The following TMEM178B variants were observed in gnomAD, a reference collection of about 807,000 sequenced individuals.
TMEM178B encodes transmembrane protein 178B.
TMEM178B carries 5 observed loss-of-function variants against 31.0 expected under a neutral mutation model. That is an observed-to-expected ratio of 0.16 (90% confidence interval 0.08 to 0.34). TMEM178B has a LOEUF of 0.34. Ranked by LOEUF, TMEM178B falls within the 10% of genes least tolerant of loss-of-function variation. The probability of loss-of-function intolerance (pLI) is 1.00; values close to 1 mark genes in which losing one functional copy is unlikely to be tolerated. For missense variants in TMEM178B, 275 were observed against 400.3 expected (o/e 0.69, Z 2.67); for synonymous variants, 164 against 164.0 (o/e 1.00, Z 0.00).
intron 2 of TMEM178B, among the ~76,000 whole-genome samples, chr7:141,232,228 G>GCC (rs1797459782): frequency 6.6e-6 from 1 of 152,120 alleles, no homozygotes; most frequent in African/African-American, 2.4e-5. Context: ...CATTTGAGTT[G>GCC]ACTCTATGTC....
intron 1 of TMEM178B, among the ~76,000 whole-genome samples, chr7:141,145,712 G>C (rs1271991901): frequency 2.0e-5 from 3 of 152,216 alleles, no homozygotes; most frequent in Admixed American, 6.5e-5. Context: ...ATCTGAAGTA[G>C]ATAGTTTTAG....
rs936085798 is a variant in TMEM178B, at chr7:141,220,849, A to G, written c.496+8145A>G. Reference sequence around the variant, plus strand: ...ATCCATTTGTTCATTTGTTCATTCAATGGTTGTGGAGTGTCTGTTCTGTGA... The same window carrying G: ...ATCCATTTGTTCATTTGTTCATTCAGTGGTTGTGGAGTGTCTGTTCTGTGA... On this transcript the variant is annotated intron_variant, in intron 2 of 3. Coordinates refer to ENST00000565468, the MANE Select transcript of TMEM178B (RefSeq NM_001195278.2). Among the ~76,000 whole-genome samples the G allele has an allele frequency of 6.6e-5, 10 of 152,262 alleles. 1 individual carries two copies. Among genetic ancestry groups the G allele is most frequent in the Middle Eastern group, 6.8e-3 (2 of 294 alleles).
intron 2 of TMEM178B, among the ~76,000 whole-genome samples, chr7:141,391,767 T>C (rs891011580): frequency 3.3e-5 from 5 of 152,114 alleles, no homozygotes; most frequent in Non-Finnish European, 5.9e-5. Flanking sequence ...GGACCTCAGA[T>C]ACACGGAATC....
chr7:141,128,810 T>TA (rs1795548532), intron 1 of TMEM178B, among the ~76,000 whole-genome samples: 1 of 152,154 alleles, frequency 6.6e-6, no homozygotes, highest in African/African-American at 2.4e-5. Flanking sequence ...CCACATTCTC[T>TA]AAAATTAGCC....
At chr7:141,082,636 C>A (rs542379325) in intron 1 of TMEM178B, among the ~76,000 whole-genome samples, 1 of 152,220 alleles carries the variant, frequency 6.6e-6, no homozygotes, top group Non-Finnish European at 1.5e-5. Flanking sequence ...ACTTACTGGG[C>A]AAATGAATGG....
intron 2 of TMEM178B, among the ~76,000 whole-genome samples, chr7:141,227,180 G>A (rs1797357361): frequency 6.6e-6 from 1 of 152,240 alleles, no homozygotes. Flanking sequence ...GGGGCTGGAA[G>A]TGTGGTAAAC....
intron 1 of TMEM178B, among the ~76,000 whole-genome samples, chr7:141,183,400 C>G (rs145707508): frequency 1.4e-4 from 22 of 152,324 alleles, no homozygotes; most frequent in African/African-American, 5.3e-4. Context: ...CCTCTTAAGT[C>G]AGACCTTTTC....
intron 2 of TMEM178B, among the ~76,000 whole-genome samples, chr7:141,333,870 A>G (rs1015919872): frequency 2.0e-5 from 3 of 152,216 alleles, no homozygotes; most frequent in Admixed American, 6.5e-5. Flanking sequence ...TGCGGTTCAC[A>G]ATAGGGTTTG....
chr7:141,435,984 C>G (rs114457246), intron 2 of TMEM178B, among the ~76,000 whole-genome samples: 3,151 of 152,222 alleles, frequency 0.021, 95 homozygotes, highest in African/African-American at 0.071. Context: ...TGCTGCTGTT[C>G]CCCTCCTGTG....
intron 1 of TMEM178B, among the ~76,000 whole-genome samples, chr7:141,123,744 T>C (rs948268852): frequency 1.3e-5 from 2 of 152,168 alleles, no homozygotes; most frequent in East Asian, 3.9e-4. Context: ...TAGAGTCATA[T>C]AAATAGTTAG....
chr7:141,423,076 G>A (rs752601719), intron 2 of TMEM178B, among the ~76,000 whole-genome samples: 2 of 152,182 alleles, frequency 1.3e-5, no homozygotes, highest in Non-Finnish European at 2.9e-5. Context: ...GTCTTGCTCT[G>A]TCACCCAGGC....
intron 2 of TMEM178B, among the ~76,000 whole-genome samples, chr7:141,331,637 C>A (rs1454830922): frequency 6.6e-6 from 1 of 152,078 alleles, no homozygotes; most frequent in Admixed American, 6.6e-5. Context: ...ACACATATCT[C>A]TTGTGAAGAG....
At chr7:141,458,159 G>T (rs1444569865) in intron 3 of TMEM178B, among the ~76,000 whole-genome samples, 1 of 152,134 alleles carries the variant, frequency 6.6e-6, no homozygotes, top group Non-Finnish European at 1.5e-5. Context: ...TCACTCTGTA[G>T]CCCAGGCTGG....
chr7:141,244,267 G>A (rs1025834043), intron 2 of TMEM178B, among the ~76,000 whole-genome samples: 10 of 152,166 alleles, frequency 6.6e-5, no homozygotes, highest in East Asian at 1.9e-4. Context: ...CGTAACTCAC[G>A]AAACAGGTAA....
chr7:141,184,609 G>A (rs1422681172), intron 1 of TMEM178B, among the ~76,000 whole-genome samples: 2 of 152,164 alleles, frequency 1.3e-5, no homozygotes, highest in African/African-American at 4.8e-5. Context: ...GTGTGGCAAT[G>A]TCTTGTGGGG....
At chr7:141,224,002 G>T (rs1180614399) in intron 2 of TMEM178B, among the ~76,000 whole-genome samples, 10 of 152,182 alleles carry the variant, frequency 6.6e-5, no homozygotes, top group Admixed American at 6.5e-4. Context: ...GGAGGGGCCG[G>T]TGGGAGATAA....
At chr7:141,099,484 C>T (rs964710483) in intron 1 of TMEM178B, among the ~76,000 whole-genome samples, 2 of 152,142 alleles carry the variant, frequency 1.3e-5, no homozygotes, top group African/African-American at 4.8e-5. Flanking sequence ...TGTCAATGTG[C>T]TGAATGGACT....
At chr7:141,096,291 G>A (rs1375278372) in intron 1 of TMEM178B, among the ~76,000 whole-genome samples, 2 of 152,196 alleles carry the variant, frequency 1.3e-5, no homozygotes, top group African/African-American at 2.4e-5. Context: ...TTAGAGTTAG[G>A]TGTGGCTATG....
At chr7:141,075,042 CAT>C (rs1324963294) in intron 1 of TMEM178B, among the ~76,000 whole-genome samples, 4 of 152,160 alleles carry the variant, frequency 2.6e-5, no homozygotes, top group Non-Finnish European at 5.9e-5. Flanking sequence ...CTTTAGGAGT[CAT>C]GTGTCAGGGG....
Sources: gnomAD v4.1 joint callset for allele counts (sites outside exome capture counted in the v4.1 genomes callset) on GRCh38, gnomAD v4.1.1 for gene constraint, MANE v1.5 for transcripts, NCBI Gene and HGNC (gene_info 2026-07-23, HGNC 2026-07-21) for gene names.